The following HCFC2 variants were observed in gnomAD, a reference collection of about 807,000 sequenced individuals.
The protein encoded by HCFC2 is host cell factor C2.
A neutral mutation model predicts 89.2 loss-of-function variants in HCFC2; 18 were observed. The ratio of observed to expected loss-of-function variants is 0.20; its 90% CI spans 0.14 to 0.30. The LOEUF is 0.30. Among genes scored for constraint, HCFC2 ranks in the 10% least tolerant of loss-of-function variants. The pLI, the probability that HCFC2 is intolerant of heterozygous loss-of-function variation, is 1.00. For synonymous variants in HCFC2, 308 were observed against 335.7 expected, an observed-to-expected ratio of 0.92 and a Z score of 0.90; for missense variants, 578 against 956.1, an observed-to-expected ratio of 0.60 and a Z score of 5.21.
Position 104,095,616 on chromosome 12 carries a change from C to T in HCFC2, c.1666+53C>T. ...TTTGAACCATTTATGTATATAAATTCATCAAACTTACTTGTCTTAGATGGG... is the reference window on the plus strand; with the variant it reads ...TTTGAACCATTTATGTATATAAATTTATCAAACTTACTTGTCTTAGATGGG... On this transcript the variant is annotated intron_variant, in intron 11 of 14. Coordinates refer to ENST00000229330, the MANE Select transcript of HCFC2 (RefSeq NM_013320.3). The surrounding 1 kb of genome is among the most constrained non-coding windows in gnomAD (Gnocchi z 4.2). The T allele has an allele frequency of 7.2e-7, 1 of 1,389,258 alleles. No individual in the cohort carries two copies. Among genetic ancestry groups the T allele is most frequent in the Non-Finnish European group, 1.0e-6 (1 of 994,296 alleles). The allele number at this position is 1,389,258 out of a possible 1,614,324, so 86.1% of individuals were successfully genotyped here.
At chr12:104,084,307 T>C (rs1883769166) in intron 7 of HCFC2, among the ~76,000 whole-genome samples, 1 of 152,122 alleles carries the variant, frequency 6.6e-6, no homozygotes. Flanking sequence ...TGTTAGGTAT[T>C]GGGCGTGGGA....
chr12:104,070,330 A>G (rs1432431330), intron 3 of HCFC2, among the ~76,000 whole-genome samples: 2 of 152,026 alleles, frequency 1.3e-5, no homozygotes. Context: ...GCCCGGCCAA[A>G]TTTATTCTTT....
Position 104,064,548 on chromosome 12 carries a change from G to A in HCFC2, c.-13G>A, listed in dbSNP as rs1372715099. The stretch of plus-strand genomic sequence containing the variant: ...AGCGGTGCATTGTGGGCAGAGGGGC[G>A]GGGGTTGGGAAGATGGCGGCTCCCA... On this transcript the variant is annotated 5_prime_UTR_variant, in exon 1 of 15. Coordinates refer to ENST00000229330, the MANE Select transcript of HCFC2 (RefSeq NM_013320.3). This position sits in a 1 kb window ranked among gnomAD's most constrained non-coding sequence, Gnocchi z 7.3. The A allele has an allele frequency of 2.0e-6, 3 of 1,493,144 alleles. No homozygotes were observed. Among genetic ancestry groups the A allele is most frequent in the Non-Finnish European group, 2.7e-6 (3 of 1,120,046 alleles). 92.5% of individuals were successfully genotyped at this position (1,493,144 alleles called of 1,614,324 possible).
In HCFC2 at chr12:104,086,940, A is replaced by G; in HGVS notation, c.1157A>G (p.Tyr386Cys). The change falls in exon 8 of 15, where the codon TAT becomes TGT. Residue 386 changes from tyrosine to cysteine, a missense_variant. By Grantham distance (194) the Tyr-to-Cys change is radical. Coordinates refer to ENST00000229330, the MANE Select transcript of HCFC2 (RefSeq NM_013320.3). ...KWDEVSTVEG[Y>C]LLQLSTDLPY... Reference sequence around the variant, plus strand: ...GATGAAGTGTCTACAGTTGAGGGCTATCTTTTGCAGTTGAGTACAGACTTG... The same window carrying G: ...GATGAAGTGTCTACAGTTGAGGGCTGTCTTTTGCAGTTGAGTACAGACTTG... 2 of 1,614,144 alleles carry G rather than the reference A, an allele frequency of 1.2e-6. No individual in the cohort carries two copies. The highest frequency in any genetic ancestry group is 1.3e-5 in the African/African-American group (1 of 75,070).
intron 2 of HCFC2, among the ~76,000 whole-genome samples, chr12:104,067,409 G>C (rs778909270): frequency 1.3e-5 from 2 of 152,198 alleles, no homozygotes; most frequent in Non-Finnish European, 2.9e-5. Flanking sequence ...CTTATCCCTA[G>C]GGCGGTGATC....
intron 4 of HCFC2, 115 bp from the exon 5 acceptor site, chr12:104,080,631 C>G (rs1292539302): frequency 1.7e-6 from 1 of 588,948 alleles, no homozygotes. Context: ...AATAACTGTT[C>G]TAAAATACTT....
rs2030071505 is a variant in HCFC2 at position 104,105,774 on chromosome 12, T to A, written c.*2501T>A. The A allele has an allele frequency of 6.6e-6, 1 of 152,118 alleles. No homozygotes were observed. The highest frequency in any genetic ancestry group is 1.5e-5 in the Non-Finnish European group (1 of 67,946). The allele number at this position is 152,118 out of a possible 1,614,324, so 9.4% of individuals were successfully genotyped here. ...TAGCAAGAGAAGTGCATTTAGCTTC[T>A]TATGATTTGCACATTTTCTAAATGA... On this transcript the variant is annotated 3_prime_UTR_variant, in exon 15 of 15. Transcript: ENST00000229330.
chr12:104,098,500 C>G lies in HCFC2; in HGVS notation c.1878+20C>G. The G allele has an allele frequency of 6.4e-7, 1 of 1,572,982 alleles. No homozygotes were observed. The highest frequency in any genetic ancestry group is 8.6e-7 in the Non-Finnish European group (1 of 1,163,300). On this transcript the variant is annotated intron_variant, in intron 13 of 14. Transcript: ENST00000229330. ...TCAAAGGTAGCTATTGATATATTTT[C>G]TACATTGTAAATTATAAGCCTCAAG...
In HCFC2 at chr12:104,066,119, A is replaced by G. The variant is rs778208467; in HGVS notation, c.164-48A>G. 7.6e-6 allele frequency: 12 copies of G among 1,575,902 alleles called. No homozygotes were observed. The Admixed American group carries it at 1.9e-4, about 25-fold the overall frequency. On this transcript the variant is annotated intron_variant, in intron 1 of 14. Coordinates refer to ENST00000229330, the MANE Select transcript of HCFC2 (RefSeq NM_013320.3). ...GATATATATTTGCTGATAGTATATG[A>G]TAACCGTTGTTTGTTATAATCGGTT...
At chr12:104,086,392 G>A (rs1307847698) in intron 7 of HCFC2, among the ~76,000 whole-genome samples, 2 of 151,914 alleles carry the variant, frequency 1.3e-5, no homozygotes, top group Non-Finnish European at 2.9e-5. Flanking sequence ...CTGAAAATTG[G>A]CTCATAAAAT....
intron 3 of HCFC2, among the ~76,000 whole-genome samples, chr12:104,075,208 T>A (rs952801066): frequency 1.3e-4 from 18 of 139,928 alleles, no homozygotes; most frequent in Non-Finnish European, 2.2e-4. Context: ...AAAAAAAAAA[T>A]TATTTATTTA....
intron 10 of HCFC2, 31 bp downstream of exon 10, chr12:104,093,594 T>G: frequency 6.5e-7 from 1 of 1,543,558 alleles, no homozygotes; most frequent in African/African-American, 1.4e-5. Context: ...ACTAAAGCTT[T>G]TTATAAAATC....
Position 104,067,815 on chromosome 12 carries a change from C to T in HCFC2, c.313-132C>T, listed in dbSNP as rs114403947. ...AGTTAGCTGGTTATTTGTCATTTGT[C>T]CCAAAAGTAGTTTTTTAGTGCCTTC... On this transcript the variant is annotated intron_variant, in intron 2 of 14. Transcript: ENST00000229330. The T allele has an allele frequency of 8.4e-4, 584 of 695,274 alleles. 2 individuals are homozygous for T. In the African/African-American group the frequency reaches 0.01, roughly 12 times the overall value. 43.1% of individuals were successfully genotyped at this position (695,274 alleles called of 1,614,324 possible).
At chr12:104,090,166 C>A (rs1883983767) in intron 9 of HCFC2, among the ~76,000 whole-genome samples, 1 of 152,152 alleles carries the variant, frequency 6.6e-6, no homozygotes, top group Non-Finnish European at 1.5e-5. Context: ...TGAGATCTTG[C>A]ATATCTGAAA....
rs574081731 is a variant in HCFC2 at position 104,098,363 on chromosome 12, A to G, written c.1761A>G (p.Pro587=). ...TPFSKETPSN[P]VATVKAGERQ... Reference sequence around the variant, plus strand: ...ATTAGAAAGAGACTCCTTCAAATCCAGTGGCCACAGTGAAAGCGGGAGAAC... The same window carrying G: ...ATTAGAAAGAGACTCCTTCAAATCCGGTGGCCACAGTGAAAGCGGGAGAAC... The change falls in exon 13 of 15, where the codon CCA becomes CCG. Residue 587 remains proline, a synonymous_variant. Coordinates refer to ENST00000229330, the MANE Select transcript of HCFC2 (RefSeq NM_013320.3). 1 of 1,605,334 alleles carries G rather than the reference A, an allele frequency of 6.2e-7. No individual in the cohort carries two copies. Among genetic ancestry groups the G allele is most frequent in the East Asian group, 2.2e-5 (1 of 44,790 alleles).
intron 3 of HCFC2, among the ~76,000 whole-genome samples, chr12:104,078,158 C>A (rs1883569940): frequency 6.6e-6 from 1 of 152,062 alleles, no homozygotes. Context: ...ACCACCACAC[C>A]CAGCTAATTT....
rs776023139 is a variant in HCFC2 at position 104,082,756 on chromosome 12, T to TA, written c.926dup (p.Asn309LysfsTer34). ...CCCTAGTATCAGATTCTCAGGAAGA[T>TA]AAAAAAAATTCAAGACCAAGACCAA... On this transcript the variant is annotated frameshift_variant, in exon 7 of 15. Coordinates refer to ENST00000229330, the MANE Select transcript of HCFC2 (RefSeq NM_013320.3). LOFTEE classifies it high-confidence loss of function. 6.2e-7 allele frequency: 1 copy of TA among 1,613,316 alleles called. No homozygotes were observed. The highest frequency in any genetic ancestry group is 1.7e-4 in the Middle Eastern group (1 of 6,058).
Position 104,103,876 on chromosome 12 carries a change from A to G in HCFC2, c.*603A>G, listed in dbSNP as rs1243953013. The G allele has an allele frequency of 6.6e-6, 1 of 152,122 alleles. No homozygotes were observed. Among genetic ancestry groups the G allele is most frequent in the Non-Finnish European group, 1.5e-5 (1 of 67,950 alleles). The allele number at this position is 152,122 out of a possible 1,614,324, so 9.4% of individuals were successfully genotyped here. A position where few individuals can be genotyped will look rare whatever the true frequency, so the allele number is the denominator to read the frequency against. On this transcript the variant is annotated 3_prime_UTR_variant, in exon 15 of 15. Coordinates refer to ENST00000229330, the MANE Select transcript of HCFC2 (RefSeq NM_013320.3). ...TGCTTTTGAACTTTTATTATTTTCCAAGAATCATGGTAAAATACAACAAGA... is the reference window on the plus strand; with the variant it reads ...TGCTTTTGAACTTTTATTATTTTCCGAGAATCATGGTAAAATACAACAAGA...
chr12:104,103,299 T>C lies in HCFC2; in HGVS notation c.*26T>C, dbSNP rs1359239981. The C allele has an allele frequency of 6.5e-7, 1 of 1,545,446 alleles. No individual in the cohort carries two copies. The highest frequency in any genetic ancestry group is 1.7e-5 in the Admixed American group (1 of 57,368). ...ATTGGTTTTTTTACTGAAGCTATTG[T>C]GATGATGATTATTTATTAGTAACTG... is the stretch of plus-strand genomic sequence containing the variant. On this transcript the variant is annotated 3_prime_UTR_variant, in exon 15 of 15. Coordinates refer to ENST00000229330, the MANE Select transcript of HCFC2 (RefSeq NM_013320.3).
Sources: allele counts gnomAD v4.1 joint callset (sites outside exome capture counted in the v4.1 genomes callset), GRCh38; gene constraint gnomAD v4.1.1; non-coding constraint Gnocchi (gnomAD v3.1); transcripts MANE v1.5; gene names NCBI Gene and HGNC (gene_info 2026-07-23, HGNC 2026-07-21).